The following PDE11A variants were observed in gnomAD, a reference collection of about 807,000 sequenced individuals.
PDE11A encodes the protein phosphodiesterase 11A.
Under a neutral mutation model 100.5 loss-of-function variants are expected in PDE11A, and 100 were observed. That is an observed-to-expected ratio of 1.00 (90% CI 0.85 to 1.18). The LOEUF (loss-of-function observed/expected upper bound fraction) is 1.18, where lower values mean the gene tolerates loss of function less well. PDE11A is among the 50% of genes most tolerant of loss of function. PDE11A has a pLI of 0.00. For missense variants in PDE11A, 1,141 were observed against 1,152.6 expected, an observed-to-expected ratio of 0.99 and a Z score of 0.15; for synonymous variants, 381 against 420.8, an observed-to-expected ratio of 0.91 and a Z score of 1.16.
chr2:177,742,631 G>A (rs1866209), intron 10 of PDE11A, among the ~76,000 whole-genome samples: 108,812 of 151,994 alleles, frequency 0.72, 40,297 homozygotes, highest in East Asian at 0.86. Context: ...CTGAAGGGCC[G>A]GACAGAACAG....
chr2:178,024,405 C>G (rs929089348), intron 1 of PDE11A, among the ~76,000 whole-genome samples: 20 of 152,118 alleles, frequency 1.3e-4, no homozygotes, highest in African/African-American at 4.8e-4. Flanking sequence ...GAGCAAGATT[C>G]CATCTTAAAA....
At chr2:178,002,407 T>C (rs1440168359) in intron 2 of PDE11A, among the ~76,000 whole-genome samples, 1 of 152,212 alleles carries the variant, frequency 6.6e-6, no homozygotes, top group Non-Finnish European at 1.5e-5. Flanking sequence ...GGTAGAATGA[T>C]TTATTTTCTT....
intron 9 of PDE11A, among the ~76,000 whole-genome samples, chr2:177,787,037 A>C (rs2082547482): frequency 6.9e-6 from 1 of 143,938 alleles, no homozygotes; most frequent in South Asian, 2.3e-4. Context: ...AATACAGAGA[A>C]CGCCACAAAG....
intron 19 of PDE11A, among the ~76,000 whole-genome samples, chr2:177,643,173 G>A (rs1210558442): frequency 6.6e-6 from 1 of 152,184 alleles, no homozygotes; most frequent in Non-Finnish European, 1.5e-5. Flanking sequence ...CCGAATATGT[G>A]GAAGCAACTT....
chr2:177,635,517 G>T (rs977007440), intron 19 of PDE11A, among the ~76,000 whole-genome samples: 2 of 152,148 alleles, frequency 1.3e-5, no homozygotes, highest in Non-Finnish European at 2.9e-5. Context: ...ACACTCCACT[G>T]TTGAGTTCTC....
At chr2:177,772,332 C>A (rs1182719429) in intron 9 of PDE11A, among the ~76,000 whole-genome samples, 2 of 151,984 alleles carry the variant, frequency 1.3e-5, no homozygotes, top group Non-Finnish European at 2.9e-5. Context: ...AGATTAAATG[C>A]AATACTACAT....
chr2:178,087,610 G>C (rs1453324025), intron 2 of PDE11A, among the ~76,000 whole-genome samples: 1 of 152,156 alleles, frequency 6.6e-6, no homozygotes, highest in Admixed American at 6.5e-5. Context: ...TGGATGATGA[G>C]AGATTACTTA....
At chr2:177,653,600 G>A (rs144109110) in intron 19 of PDE11A, among the ~76,000 whole-genome samples, 2 of 152,290 alleles carry the variant, frequency 1.3e-5, no homozygotes, top group East Asian at 3.9e-4. Context: ...AATGGTTTGT[G>A]TCTTTATAAG....
chr2:177,893,487 T>C (rs941387428), intron 4 of PDE11A, among the ~76,000 whole-genome samples: 1 of 152,202 alleles, frequency 6.6e-6, no homozygotes, highest in Non-Finnish European at 1.5e-5. Flanking sequence ...CCCATTTAGC[T>C]GTTCCTGTAT....
chr2:177,816,702 A>G, intron 9 of PDE11A, 127 bp downstream of exon 9: 1 of 730,904 alleles, frequency 1.4e-6, no homozygotes, highest in South Asian at 1.5e-5. Context: ...TAAACCCACA[A>G]CCTAAAATGA....
chr2:177,701,341 T>C (rs2105541483), intron 13 of PDE11A, 130 bp from the exon 14 acceptor site: 3 of 700,178 alleles, frequency 4.3e-6, no homozygotes, highest in Middle Eastern at 3.8e-4. Context: ...TAACTGCTTT[T>C]GTAGTCCATT....
chr2:178,015,662 T>C (rs1004931873), intron 1 of PDE11A, among the ~76,000 whole-genome samples: 1 of 152,166 alleles, frequency 6.6e-6, no homozygotes, highest in Non-Finnish European at 1.5e-5. Context: ...AGAATGTCCT[T>C]ATTCTTAGGA....
At chr2:177,998,734 T>C (rs1453697101) in intron 2 of PDE11A, 2 of 903,788 alleles carry the variant, frequency 2.2e-6, no homozygotes, top group Admixed American at 1.8e-5. Flanking sequence ...TCGGCCATGA[T>C]GCCATAGTTG....
At chr2:177,829,121 C>T (rs2083270090) in intron 6 of PDE11A, among the ~76,000 whole-genome samples, 1 of 151,752 alleles carries the variant, frequency 6.6e-6, no homozygotes, top group East Asian at 1.9e-4. Context: ...CATGCCTATA[C>T]TTTTTTTGAC....
chr2:177,802,552 A>T (rs1342040048), intron 9 of PDE11A, among the ~76,000 whole-genome samples: 1 of 152,066 alleles, frequency 6.6e-6, no homozygotes, highest in Non-Finnish European at 1.5e-5. Context: ...CCCAACCTGG[A>T]CAAACTTCAT....
At chr2:178,019,474 T>C (rs2086379926) in intron 1 of PDE11A, among the ~76,000 whole-genome samples, 2 of 152,126 alleles carry the variant, frequency 1.3e-5, no homozygotes, top group South Asian at 4.1e-4. Flanking sequence ...TTCTATGAAA[T>C]AAAATTTCTA....
intron 5 of PDE11A, among the ~76,000 whole-genome samples, chr2:177,874,171 C>T (rs1392146524): frequency 6.6e-6 from 1 of 152,112 alleles, no homozygotes. Flanking sequence ...ATCTAAGTGA[C>T]CTTGTCCTTG....
At chr2:177,656,099 A>G (rs2080379052) in intron 19 of PDE11A, among the ~76,000 whole-genome samples, 2 of 152,220 alleles carry the variant, frequency 1.3e-5, no homozygotes, top group Admixed American at 6.5e-5. Flanking sequence ...CATAGGCCAT[A>G]TACTCCAGAT....
intron 2 of PDE11A, among the ~76,000 whole-genome samples, chr2:177,920,799 A>G (rs901884568): frequency 2.6e-5 from 4 of 152,164 alleles, no homozygotes; most frequent in African/African-American, 9.7e-5. Flanking sequence ...GCGGTCGCTC[A>G]TGCCTGTAAT....
Sources: gnomAD v4.1 joint callset for allele counts (sites outside exome capture counted in the v4.1 genomes callset) on GRCh38, gnomAD v4.1.1 for gene constraint, MANE v1.5 for transcripts, NCBI Gene and HGNC (gene_info 2026-07-23, HGNC 2026-07-21) for gene names.